PDZRN4: variants seen among roughly 807,000 people sequenced by gnomAD.
PDZRN4 encodes PDZ domain-containing RING finger protein 4.
Under a neutral mutation model 99.0 loss-of-function variants are expected in PDZRN4, and 70 were observed. That is an observed-to-expected ratio of 0.71 (90% CI 0.58 to 0.86). The LOEUF (loss-of-function observed/expected upper bound fraction) is 0.86. PDZRN4 is among the 40% of genes least tolerant of loss of function. The probability of loss-of-function intolerance (pLI) is 0.00; values close to 1 mark genes in which losing one functional copy is unlikely to be tolerated. For missense variants in PDZRN4, 1,474 were observed against 1,331.2 expected (o/e 1.11, Z -1.67); for synonymous variants, 551 against 501.6 (o/e 1.10, Z -1.32).
intron 3 of PDZRN4, among the ~76,000 whole-genome samples, chr12:41,486,941 A>G (rs553757068): frequency 6.6e-6 from 1 of 152,212 alleles, no homozygotes; most frequent in African/African-American, 2.4e-5. Flanking sequence ...CGGCAGGAGC[A>G]TTCCTTACCT....
chr12:41,309,704 AAAAGTT>A (rs1269055697), intron 3 of PDZRN4, among the ~76,000 whole-genome samples: 1 of 152,188 alleles, frequency 6.6e-6, no homozygotes, highest in African/African-American at 2.4e-5. Context: ...ATAAATAAGA[AAAAGTT>A]AAACGATCCA....
At chr12:41,367,395 A>G (rs1258852737) in intron 3 of PDZRN4, among the ~76,000 whole-genome samples, 3 of 152,002 alleles carry the variant, frequency 2.0e-5, no homozygotes, top group East Asian at 3.9e-4. Context: ...TGGACTCCCA[A>G]CTACTCAGGA....
intron 3 of PDZRN4, among the ~76,000 whole-genome samples, chr12:41,231,561 C>T (rs1951029911): frequency 6.6e-6 from 1 of 152,174 alleles, no homozygotes; most frequent in South Asian, 2.1e-4. Flanking sequence ...TAATTATGTA[C>T]TGAATGGCAT....
At chr12:41,482,531 C>A (rs1937692626) in intron 3 of PDZRN4, among the ~76,000 whole-genome samples, 1 of 152,072 alleles carries the variant, frequency 6.6e-6, no homozygotes, top group African/African-American at 2.4e-5. Flanking sequence ...ATATCAGCTT[C>A]TGTCATATAT....
intron 3 of PDZRN4, among the ~76,000 whole-genome samples, chr12:41,482,010 C>T (rs1471498097): frequency 6.6e-6 from 1 of 152,010 alleles, no homozygotes; most frequent in Non-Finnish European, 1.5e-5. Context: ...TAACATACCC[C>T]ACGAAAAATG....
intron 3 of PDZRN4, among the ~76,000 whole-genome samples, chr12:41,386,390 A>T (rs1014006122): frequency 6.6e-6 from 1 of 152,146 alleles, no homozygotes; most frequent in Admixed American, 6.6e-5. Flanking sequence ...AAAATTGAAT[A>T]AAATACCTAG....
At chr12:41,462,190 C>CAT (rs1419151758) in intron 3 of PDZRN4, among the ~76,000 whole-genome samples, 1 of 152,148 alleles carries the variant, frequency 6.6e-6, no homozygotes, top group Non-Finnish European at 1.5e-5. Flanking sequence ...ATATCCACTT[C>CAT]ATATATGATT....
chr12:41,328,811 A>AT (rs1186489230), intron 3 of PDZRN4, among the ~76,000 whole-genome samples: 1 of 152,148 alleles, frequency 6.6e-6, no homozygotes, highest in Non-Finnish European at 1.5e-5. Flanking sequence ...GGAGACAGAC[A>AT]TTTAAGCATA....
intron 3 of PDZRN4, among the ~76,000 whole-genome samples, chr12:41,436,853 T>C (rs915050800): frequency 6.6e-6 from 1 of 152,206 alleles, no homozygotes; most frequent in Non-Finnish European, 1.5e-5. Flanking sequence ...AATGGAGTCA[T>C]TGTGCATTAC....
intron 3 of PDZRN4, among the ~76,000 whole-genome samples, chr12:41,376,479 CTT>C (rs772900677): frequency 6.6e-6 from 1 of 151,934 alleles, no homozygotes; most frequent in Non-Finnish European, 1.5e-5. Context: ...TTTATGGTCA[CTT>C]ATATTGAATA....
At chr12:41,250,321 T>G (rs972832126) in intron 3 of PDZRN4, among the ~76,000 whole-genome samples, 2 of 152,194 alleles carry the variant, frequency 1.3e-5, no homozygotes, top group African/African-American at 4.8e-5. Context: ...TCCAAAAACA[T>G]TTTCAAGAAA....
At chr12:41,392,136 T>C (rs190964921) in intron 3 of PDZRN4, among the ~76,000 whole-genome samples, 8 of 152,304 alleles carry the variant, frequency 5.3e-5, no homozygotes, top group Admixed American at 5.2e-4. Flanking sequence ...AGTATGAATC[T>C]GTCCTAAAGG....
intron 3 of PDZRN4, among the ~76,000 whole-genome samples, chr12:41,334,201 G>T (rs189869367): frequency 1.3e-5 from 2 of 152,108 alleles, no homozygotes; most frequent in African/African-American, 2.4e-5. Flanking sequence ...CCTCACACCA[G>T]TCTGAGTCCC....
At chr12:41,421,703 C>A (rs1952492303) in intron 3 of PDZRN4, among the ~76,000 whole-genome samples, 1 of 152,088 alleles carries the variant, frequency 6.6e-6, no homozygotes, top group South Asian at 2.1e-4. Context: ...TTAATGTTCC[C>A]ATTATTTCTT....
chr12:41,368,771 C>T (rs1952019941), intron 3 of PDZRN4, among the ~76,000 whole-genome samples: 1 of 152,036 alleles, frequency 6.6e-6, no homozygotes, highest in African/African-American at 2.4e-5. Context: ...CATTAAGGTG[C>T]TCCTGTATAC....
chr12:41,363,657 A>G (rs1951978149), intron 3 of PDZRN4, among the ~76,000 whole-genome samples: 1 of 12,874 alleles, frequency 7.8e-5, no homozygotes, highest in African/African-American at 1.8e-4. Context: ...GATAAATCAT[A>G]TTATGGCCAA....
At chr12:41,201,522 C>A (rs535330668) in intron 3 of PDZRN4, among the ~76,000 whole-genome samples, 1 of 152,180 alleles carries the variant, frequency 6.6e-6, no homozygotes, top group Non-Finnish European at 1.5e-5. Flanking sequence ...TCTTCAGCAT[C>A]TCTTTTGCTC....
intron 3 of PDZRN4, among the ~76,000 whole-genome samples, chr12:41,222,419 A>C (rs1306512761): frequency 1.3e-5 from 2 of 152,168 alleles, no homozygotes; most frequent in African/African-American, 4.8e-5. Flanking sequence ...GTACTCGGTC[A>C]CACAGAAATG....
At chr12:41,207,389 GA>G (rs1173637508) in intron 3 of PDZRN4, among the ~76,000 whole-genome samples, 1 of 151,524 alleles carries the variant, frequency 6.6e-6, no homozygotes, top group African/African-American at 2.4e-5. Context: ...ATAAACAATT[GA>G]AAAATAATTT....
Sources: allele counts gnomAD v4.1 joint callset (sites outside exome capture counted in the v4.1 genomes callset), GRCh38; gene constraint gnomAD v4.1.1; transcripts MANE v1.5; gene names NCBI Gene and HGNC (gene_info 2026-07-23, HGNC 2026-07-21).